Variants in SREK1IP1 observed in about 807,000 individuals in gnomAD.
SREK1IP1 encodes SREK1 interacting protein 1.
A neutral mutation model predicts 22.8 loss-of-function variants in SREK1IP1; 12 were observed. The ratio of observed to expected loss-of-function variants is 0.53; its 90% CI spans 0.34 to 0.85. The LOEUF (loss-of-function observed/expected upper bound fraction) is 0.85. SREK1IP1 is among the 40% of genes least tolerant of loss of function. The pLI, the probability that SREK1IP1 is intolerant of heterozygous loss-of-function variation, is 0.02. For missense variants in SREK1IP1, 147 were observed against 171.8 expected (o/e 0.86, Z 0.81); for synonymous variants, 53 against 52.7 (o/e 1.01, Z -0.02).
In SREK1IP1 at chr5:64,723,158, A is replaced by G. The variant is rs529803860; in HGVS notation, c.*1226T>C. On this transcript the variant is annotated 3_prime_UTR_variant, in exon 5 of 5. Coordinates refer to ENST00000513458, the MANE Select transcript of SREK1IP1 (RefSeq NM_173829.4). ...GTAACACTGATCAATGTGAAAATAG[A>G]AATTTAAAAAACGTATCTACTAATA... The G allele has an allele frequency of 6.6e-6, 1 of 152,214 alleles. No homozygotes were observed. The allele number at this position is 152,214 out of a possible 1,614,324, so 9.4% of individuals were successfully genotyped here. A position where few individuals can be genotyped will look rare whatever the true frequency, so the allele number is the denominator to read the frequency against.
At chr5:64,728,230 A>G (rs560865207) in intron 3 of SREK1IP1, 51 bp from the exon 4 acceptor site, 3 of 1,288,972 alleles carry the variant, frequency 2.3e-6, no homozygotes, top group Middle Eastern at 2.1e-4. Context: ...ATGATTCTAT[A>G]TATTAATATG....
At chr5:64,728,960 A>T (rs919868723) in intron 3 of SREK1IP1, among the ~76,000 whole-genome samples, 1 of 152,138 alleles carries the variant, frequency 6.6e-6, no homozygotes, top group Non-Finnish European at 1.5e-5. Context: ...TTGGGAGGCG[A>T]GGCGGGTGGA....
intron 3 of SREK1IP1, among the ~76,000 whole-genome samples, chr5:64,732,050 A>G (rs1157468248): frequency 6.6e-6 from 1 of 152,228 alleles, no homozygotes; most frequent in Non-Finnish European, 1.5e-5. Flanking sequence ...AATTGTACAA[A>G]TCAGTGCTAT....
chr5:64,764,496 T>C (rs753916316), intron 1 of SREK1IP1, among the ~76,000 whole-genome samples: 4 of 152,182 alleles, frequency 2.6e-5, no homozygotes, highest in Non-Finnish European at 2.9e-5. Context: ...TGCAGGATTG[T>C]AGAATGCATG....
At chr5:64,753,879 T>C (rs1045497592) in intron 2 of SREK1IP1, among the ~76,000 whole-genome samples, 29 of 152,302 alleles carry the variant, frequency 1.9e-4, no homozygotes, top group Non-Finnish European at 3.7e-4. Flanking sequence ...TTAAATCAAG[T>C]TTTCGCCCAT....
intron 2 of SREK1IP1, among the ~76,000 whole-genome samples, 172 bp from the exon 3 acceptor site, chr5:64,741,372 TC>T (rs1231094466): frequency 1.3e-5 from 2 of 152,178 alleles, no homozygotes; most frequent in Non-Finnish European, 2.9e-5. Context: ...CCTATACTTT[TC>T]CATGAATGCA....
At chr5:64,731,521 C>CAAAAAAAAAAAAAAAAAAAAAAAAAAAAA (rs10599290) in intron 3 of SREK1IP1, among the ~76,000 whole-genome samples, 16 of 74,670 alleles carry the variant, frequency 2.1e-4, no homozygotes, top group African/African-American at 6.1e-4. Flanking sequence ...GCCCTTGTCT[C>CAAAAAAAAAAAAAAAAAAAAAAAAAAAAA]AAAAAAAAAA....
intron 4 of SREK1IP1, among the ~76,000 whole-genome samples, chr5:64,724,947 G>A (rs913015200): frequency 5.3e-5 from 8 of 151,986 alleles, no homozygotes; most frequent in East Asian, 1.9e-4. Context: ...CAATAACTTC[G>A]CATATTTTCT....
chr5:64,753,819 C>T (rs557367894), intron 2 of SREK1IP1, among the ~76,000 whole-genome samples: 161 of 152,232 alleles, frequency 1.1e-3, no homozygotes, highest in African/African-American at 3.7e-3. Flanking sequence ...ATTACACATG[C>T]TTAAGTTTAC....
rs1742305438 is a variant in SREK1IP1, at chr5:64,728,094, G to A, written c.278+13C>T. On this transcript the variant is annotated intron_variant, in intron 4 of 4. Coordinates refer to ENST00000513458, the MANE Select transcript of SREK1IP1 (RefSeq NM_173829.4). ...GGCCTGCTTTGTTTTTTAAAATGTT[G>A]TTCAAAAAATACCTTTTCCTTTTTT... The A allele has an allele frequency of 1.5e-6, 2 of 1,343,426 alleles. No individual in the cohort carries two copies. Among genetic ancestry groups the A allele is most frequent in the Non-Finnish European group, 1.9e-6 (2 of 1,038,364 alleles). 83.2% of individuals were successfully genotyped at this position (1,343,426 alleles called of 1,614,324 possible).
At chr5:64,727,908 C>T (rs549040122) in intron 4 of SREK1IP1, 199 bp downstream of exon 4, 5 of 409,068 alleles carry the variant, frequency 1.2e-5, no homozygotes, top group Non-Finnish European at 3.6e-6. Flanking sequence ...GGTAATATTA[C>T]AAGAATACAA....
At chr5:64,752,931 T>C (rs552684976) in intron 2 of SREK1IP1, among the ~76,000 whole-genome samples, 1 of 152,284 alleles carries the variant, frequency 6.6e-6, no homozygotes, top group African/African-American at 2.4e-5. Context: ...AAATCAGAAA[T>C]TGTTTAACAA....
chr5:64,740,337 T>G (rs958559577), intron 3 of SREK1IP1, among the ~76,000 whole-genome samples: 1 of 152,146 alleles, frequency 6.6e-6, no homozygotes, highest in Admixed American at 6.6e-5. Flanking sequence ...TTTAGTAGGA[T>G]GTAACTGAGA....
intron 2 of SREK1IP1, among the ~76,000 whole-genome samples, chr5:64,743,073 C>T (rs576196572): frequency 2.0e-5 from 3 of 152,224 alleles, no homozygotes; most frequent in African/African-American, 7.2e-5. Context: ...TTTGATGAGA[C>T]TTCTTTTGTG....
intron 3 of SREK1IP1, among the ~76,000 whole-genome samples, chr5:64,729,107 T>G (rs186281600): frequency 2.7e-4 from 41 of 152,284 alleles, no homozygotes; most frequent in African/African-American, 8.9e-4. Context: ...TGGGGTTATT[T>G]GGCAAGGTAA....
At chr5:64,749,481 G>A (rs566046890) in intron 2 of SREK1IP1, among the ~76,000 whole-genome samples, 1 of 151,506 alleles carries the variant, frequency 6.6e-6, no homozygotes, top group East Asian at 1.9e-4. Context: ...CTGTTACCCA[G>A]GCAGGAGTGC....
At chr5:64,760,529 A>G (rs1742933451) in intron 1 of SREK1IP1, among the ~76,000 whole-genome samples, 1 of 152,224 alleles carries the variant, frequency 6.6e-6, no homozygotes, top group Non-Finnish European at 1.5e-5. Context: ...GAAAAGCTAC[A>G]TGCAGACTGA....
intron 1 of SREK1IP1, among the ~76,000 whole-genome samples, chr5:64,763,217 A>T (rs1580561161): frequency 6.6e-6 from 1 of 152,266 alleles, no homozygotes; most frequent in East Asian, 1.9e-4. Flanking sequence ...ACAAAGTACA[A>T]TTAATCCGTG....
intron 3 of SREK1IP1, among the ~76,000 whole-genome samples, chr5:64,738,296 C>A (rs1267345190): frequency 6.6e-6 from 1 of 152,028 alleles, no homozygotes; most frequent in Admixed American, 6.6e-5. Context: ...TGTGAAACAT[C>A]ACATTAAGAA....
Sources: gnomAD v4.1 joint callset for allele counts (sites outside exome capture counted in the v4.1 genomes callset) on GRCh38, gnomAD v4.1.1 for gene constraint, MANE v1.5 for transcripts, NCBI Gene and HGNC (gene_info 2026-07-23, HGNC 2026-07-21) for gene names.